The following OGFR variants were observed in gnomAD, a reference collection of about 807,000 sequenced individuals.
The protein encoded by OGFR is protein 7-60.
OGFR carries 18 observed loss-of-function variants against 33.6 expected under a neutral mutation model. The ratio of observed to expected loss-of-function variants is 0.54; its 90% confidence interval spans 0.37 to 0.80. The LOEUF (loss-of-function observed/expected upper bound fraction) is 0.80. OGFR is among the 30% of genes least tolerant of loss of function. OGFR has a pLI of 0.00. For missense variants in OGFR, 877 were observed against 955.8 expected (o/e 0.92, Z 1.09); for synonymous variants, 370 against 400.7 (o/e 0.92, Z 0.91).
rs201020280 is a variant in OGFR, at chr20:62,812,217, G to A, written c.615-13G>A. The A allele has an allele frequency of 2.3e-5, 34 of 1,487,944 alleles. No individual in the cohort carries two copies. Among genetic ancestry groups the A allele is most frequent in the Admixed American group, 9.2e-5 (4 of 43,444 alleles). The allele number at this position is 1,487,944 out of a possible 1,614,324, so 92.2% of individuals were successfully genotyped here. On this transcript the variant is annotated splice_polypyrimidine_tract_variant and intron_variant, in intron 6 of 6. Transcript: ENST00000290291. ...CCCAGCCATTGACCTCTCCTGACCC[G>A]GATCTCTCGCAGGCGCAGCCACAAC...
intron 6 of OGFR, 129 bp downstream of exon 6, chr20:62,811,739 C>T: frequency 1.9e-6 from 2 of 1,049,448 alleles, no homozygotes; most frequent in Non-Finnish European, 2.7e-6. Flanking sequence ...GACCAAGGCC[C>T]TGAGTCCCCT....
At position 62,806,914 on chromosome 20, in the gene OGFR, C is replaced by G. The variant is rs553181552; in HGVS notation, c.172-623C>G. The stretch of plus-strand genomic sequence containing the variant: ...GGCATCAAGGGGACCTGACATCTTG[C>G]TGAGAAGCCATCACTAGACAGGGCT... On this transcript the variant is annotated intron_variant, in intron 1 of 6. Coordinates refer to ENST00000290291, the MANE Select transcript of OGFR (RefSeq NM_007346.4). 4.5e-5 allele frequency: 7 copies of G among 155,464 alleles called. 1 individual carries two copies. The highest frequency in any genetic ancestry group is 4.4e-4 in the Admixed American group (7 of 16,026). 9.6% of individuals were successfully genotyped at this position (155,464 alleles called of 1,614,324 possible).
Position 62,813,055 on chromosome 20 carries a change from C to A in OGFR, c.1440C>A (p.Ala480=), listed in dbSNP as rs1234123971. Residue 480 remains alanine, a synonymous_variant, in exon 7 of 7, where the codon GCC becomes GCA. Coordinates refer to ENST00000290291, the MANE Select transcript of OGFR (RefSeq NM_007346.4). ...CCAGTGGTGGTGCCCAGACCTTGGC[C>A]CTTGCCGGGTCCCCTGCCCCATCGG... The part of the protein sequence containing the change: ...AVASGGAQTL[A]LAGSPAPSGH... 1 of 1,585,410 alleles carries A rather than the reference C, an allele frequency of 6.3e-7. No individual in the cohort carries two copies.
Position 62,812,694 on chromosome 20 carries a change from GGAGCCAGGGGGAT to G in OGFR, c.1083_1095del (p.Ser361ArgfsTer13), listed in dbSNP as rs1170020960. ...CCCCAGGATGCGGGACCCCTGGAGA[GGAGCCAGGGGGAT>G]GAGGCAGGGGGCCACGGGGAAGATA... is the stretch of plus-strand genomic sequence containing the variant. On this transcript the variant is annotated frameshift_variant, in exon 7 of 7. Transcript: ENST00000290291. LOFTEE classifies it low-confidence loss of function (END_TRUNC). 6.3e-7 allele frequency: 1 copy of G among 1,575,956 alleles called. No homozygotes were observed.
chr20:62,810,245 C>T (rs1243374688), intron 4 of OGFR, among the ~76,000 whole-genome samples: 1 of 152,198 alleles, frequency 6.6e-6, no homozygotes, highest in East Asian at 1.9e-4. Context: ...CAGGGCCCCT[C>T]GCTGCCTGAG....
In OGFR at chr20:62,812,325, TGGA is replaced by T; in HGVS notation, c.715_717del (p.Glu239del). ...CAGGCGCCGCTGGTCCGCTTCTTCC[TGGA>T]GGAGACGCTGGTGCGGCGGGAGCTG... is the stretch of plus-strand genomic sequence containing the variant. On this transcript the variant is annotated inframe_deletion, in exon 7 of 7. Coordinates refer to ENST00000290291, the MANE Select transcript of OGFR (RefSeq NM_007346.4). 6.4e-7 allele frequency: 1 copy of T among 1,565,698 alleles called. No homozygotes were observed. The highest frequency in any genetic ancestry group is 8.7e-7 in the Non-Finnish European group (1 of 1,155,646).
chr20:62,807,203 A>G (rs1413706456), intron 1 of OGFR: 3 of 373,814 alleles, frequency 8.0e-6, no homozygotes, highest in Admixed American at 8.6e-5. Flanking sequence ...TCAGGGCCAC[A>G]CCCCAGGGGA....
At chr20:62,807,664 C>T (rs1029795408) in intron 2 of OGFR, 59 bp downstream of exon 2, 18 of 1,528,994 alleles carry the variant, frequency 1.2e-5, no homozygotes, top group Non-Finnish European at 1.6e-5. Context: ...TCTTCTCAGG[C>T]AGAATGTCCC....
chr20:62,808,119 C>A, intron 2 of OGFR, 128 bp from the exon 3 acceptor site: 1 of 782,592 alleles, frequency 1.3e-6, no homozygotes, highest in Non-Finnish European at 2.3e-6. Flanking sequence ...GAGTGAGGAG[C>A]CAGGCGGGCT....
intron 1 of OGFR, chr20:62,807,117 G>T (rs1317976192): frequency 5.0e-6 from 1 of 201,724 alleles, no homozygotes. Context: ...TACAAAGCAG[G>T]GGGAGTCTCC....
Position 62,813,471 on chromosome 20 carries a change from C to G in OGFR, c.1856C>G (p.Ser619Trp), listed in dbSNP as rs1178049268. 1 of 1,433,830 alleles carries G rather than the reference C, an allele frequency of 7.0e-7. No individual in the cohort carries two copies. Among genetic ancestry groups the G allele is most frequent in the Non-Finnish European group, 9.2e-7 (1 of 1,084,998 alleles). 88.8% of individuals were successfully genotyped at this position (1,433,830 alleles called of 1,614,324 possible). A position where few individuals can be genotyped will look rare whatever the true frequency, so the allele number is the denominator to read the frequency against. ...GGGGACGAGCCAGCCGAGAGCCCAT[C>G]GGAGACCCCAGGCCCCCGCCCGGCA... Reference protein sequence around the residue: ...PAGDEPAESPSETPGPRPAGP... With the variant: ...PAGDEPAESPWETPGPRPAGP... Residue 619 changes from serine to tryptophan, a missense_variant, in exon 7 of 7, where the codon TCG (serine) becomes TGG (tryptophan). Physicochemically the swap from Ser to Trp is radical, Grantham distance 177. This residue lies in a region of OGFR where 72 missense variants were observed against 181.8 expected (regional missense o/e 0.40). Coordinates refer to ENST00000290291, the MANE Select transcript of OGFR (RefSeq NM_007346.4).
Position 62,809,595 on chromosome 20 carries a change from T to G in OGFR, c.330T>G (p.Ile110Met), listed in dbSNP as rs766018330. The change falls in exon 4 of 7, where the codon ATT becomes ATG. Residue 110 changes from isoleucine (I) to methionine (M), a missense_variant. Ile to Met is a conservative substitution (Grantham distance 10, BLOSUM62 1). This residue lies in a region of OGFR where 760 missense variants were observed against 736.0 expected (regional missense o/e 1.03). Transcript: ENST00000290291. ...CCATGGGGCTCCCAGGCTGTTTCATTGAGGACATTCTTCAGAACTGGACGG... is the reference window on the plus strand; with the variant it reads ...CCATGGGGCTCCCAGGCTGTTTCATGGAGGACATTCTTCAGAACTGGACGG... Reference protein sequence around the residue: ...EIRFLPNGCFIEDILQNWTDN... With the variant: ...EIRFLPNGCFMEDILQNWTDN... 3.1e-6 allele frequency: 5 copies of G among 1,611,548 alleles called. No homozygotes were observed. Among genetic ancestry groups the G allele is most frequent in the Non-Finnish European group, 4.2e-6 (5 of 1,179,084 alleles).
chr20:62,805,695 T>TTC (rs1170728155), intron 1 of OGFR: 1 of 152,304 alleles, frequency 6.6e-6, no homozygotes, highest in African/African-American at 2.4e-5. Flanking sequence ...TCCGCATGGA[T>TTC]TCTCCCCTTG....
intron 3 of OGFR, among the ~76,000 whole-genome samples, chr20:62,808,845 T>C (rs1028069589): frequency 6.6e-6 from 1 of 151,722 alleles, no homozygotes; most frequent in South Asian, 2.1e-4. Flanking sequence ...TGTGGTAGCG[T>C]GCGCCTGTAG....
Position 62,811,563 on chromosome 20 carries a change from G to A in OGFR, c.567G>A (p.Thr189=), listed in dbSNP as rs756791766. The A allele has an allele frequency of 5.0e-6, 8 of 1,604,358 alleles. No homozygotes were observed. The South Asian group carries it at 5.6e-5, about 11-fold the overall frequency. Residue 189 remains threonine (T), a synonymous_variant, in exon 6 of 7, where the codon ACG becomes ACA. Coordinates refer to ENST00000290291, the MANE Select transcript of OGFR (RefSeq NM_007346.4). ...GIRLEDRGTG[T]VGRAQNYQKR... The stretch of plus-strand genomic sequence containing the variant: ...GGCTGGAGGACCGAGGCACGGGCAC[G>A]GTGGGCCGAGCACAGAACTACCAGA...
At chr20:62,811,389 C>T (rs1248028285) in intron 5 of OGFR, 73 bp from the exon 6 acceptor site, 1 of 1,552,066 alleles carries the variant, frequency 6.4e-7, no homozygotes, top group Non-Finnish European at 8.8e-7. Flanking sequence ...AGTCGGGACC[C>T]ACGGCCACCC....
chr20:62,811,662 C>T lies in OGFR; in HGVS notation c.614+52C>T, dbSNP rs1232254552. On this transcript the variant is annotated intron_variant, in intron 6 of 6. Coordinates refer to ENST00000290291, the MANE Select transcript of OGFR (RefSeq NM_007346.4). ...CCCACCCCGGCGCAGAACAGGGCCA[C>T]GTCAGGTTTCGGGCAGGTCACAGAG... 9.1e-5 allele frequency: 136 copies of T among 1,497,154 alleles called. 2 individuals are homozygous for T. The highest frequency in any genetic ancestry group is 4.5e-4 in the African/African-American group (32 of 71,088). The allele number at this position is 1,497,154 out of a possible 1,614,324, so 92.7% of individuals were successfully genotyped here.
Position 62,811,627 on chromosome 20 carries a change from C to CGGG in OGFR, c.614+17_614+18insGGG. On this transcript the variant is annotated intron_variant, in intron 6 of 6. Transcript: ENST00000290291. ...CCTGAACTGGTGAGGCCCGGCTGCT[C>CGGG]CCGCCCACCCCCACCCCGGCGCAGA... 1.3e-6 allele frequency: 1 copy of CGGG among 782,000 alleles called. No homozygotes were observed. The highest frequency in any genetic ancestry group is 2.0e-6 in the Non-Finnish European group (1 of 495,656). The allele number at this position is 782,000 out of a possible 1,614,324, so 48.4% of individuals were successfully genotyped here.
chr20:62,810,296 C>G (rs556774883), intron 4 of OGFR, among the ~76,000 whole-genome samples: 2 of 152,278 alleles, frequency 1.3e-5, no homozygotes, highest in East Asian at 1.9e-4. Context: ...CTGTGACTTA[C>G]GCACCACACA....
Sources: gnomAD v4.1 joint callset for allele counts (sites outside exome capture counted in the v4.1 genomes callset) on GRCh38, gnomAD v4.1.1 for gene constraint, gnomAD v4.1.1 regional missense constraint, MANE v1.5 for transcripts, NCBI Gene and HGNC (gene_info 2026-07-23, HGNC 2026-07-21) for gene names.